Variants in RYR3 observed in about 807,000 individuals in gnomAD.
The protein encoded by RYR3 is brain ryanodine receptor-calcium release channel.
RYR3 carries 207 observed loss-of-function variants against 584.3 expected under a neutral mutation model. The observed-to-expected ratio is 0.35, with a 90% CI of 0.32 to 0.40. The LOEUF is 0.40. Among genes scored for constraint, RYR3 ranks in the 10% least tolerant of loss-of-function variants. RYR3 has a pLI of 1.00. For missense variants in RYR3, 5,616 were observed against 6,089.2 expected, an observed-to-expected ratio of 0.92 and a Z score of 2.59; for synonymous variants, 2,416 against 2,248.5, an observed-to-expected ratio of 1.07 and a Z score of -2.11.
chr15:33,366,244 T>C (rs1029681044), intron 1 of RYR3, among the ~76,000 whole-genome samples: 39 of 152,312 alleles, frequency 2.6e-4, no homozygotes, highest in African/African-American at 8.9e-4. Context: ...TTATTTACTA[T>C]TGATTGTCAT....
At chr15:33,356,530 A>C (rs981645585) in intron 1 of RYR3, among the ~76,000 whole-genome samples, 6 of 152,224 alleles carry the variant, frequency 3.9e-5, no homozygotes, top group Non-Finnish European at 8.8e-5. Flanking sequence ...GATCTAAGAA[A>C]TAATGATAAT....
intron 16 of RYR3, among the ~76,000 whole-genome samples, chr15:33,588,879 C>A (rs1297182891): frequency 6.6e-6 from 1 of 152,084 alleles, no homozygotes; most frequent in African/African-American, 2.4e-5. Context: ...TACGTTCGTT[C>A]CATGTCTTTG....
chr15:33,485,477 A>C (rs2050332611), intron 2 of RYR3, among the ~76,000 whole-genome samples: 1 of 152,144 alleles, frequency 6.6e-6, no homozygotes, highest in African/African-American at 2.4e-5. Context: ...CAGTGTGCAA[A>C]ATTGCCGATA....
intron 64 of RYR3, among the ~76,000 whole-genome samples, chr15:33,773,971 G>A (rs573741127): frequency 5.3e-5 from 8 of 152,342 alleles, no homozygotes; most frequent in African/African-American, 1.9e-4. Context: ...AGTGCGCTGA[G>A]AAGCTCAAGG....
At chr15:33,473,925 T>C (rs1031075387) in intron 2 of RYR3, among the ~76,000 whole-genome samples, 15 of 152,326 alleles carry the variant, frequency 9.8e-5, no homozygotes, top group African/African-American at 2.9e-4. Context: ...GACTCACAGA[T>C]GCCTGAGCCT....
intron 28 of RYR3, 158 bp from the exon 29 acceptor site, chr15:33,646,193 C>A: frequency 1.7e-6 from 1 of 604,654 alleles, no homozygotes; most frequent in Admixed American, 2.8e-5. Context: ...GGACAAGGCC[C>A]AAGTAATGAT....
chr15:33,338,587 TG>T (rs774586296), intron 1 of RYR3, among the ~76,000 whole-genome samples: 1 of 152,132 alleles, frequency 6.6e-6, no homozygotes, highest in Non-Finnish European at 1.5e-5. Context: ...GGAATTTCCT[TG>T]TGGGCAAAAT....
intron 3 of RYR3, among the ~76,000 whole-genome samples, chr15:33,522,567 A>T (rs1233643861): frequency 6.6e-6 from 1 of 152,222 alleles, no homozygotes; most frequent in African/African-American, 2.4e-5. Context: ...ATAGTGCTTT[A>T]TACTCCAAGG....
At chr15:33,498,844 G>T (rs1378871479) in intron 2 of RYR3, among the ~76,000 whole-genome samples, 1 of 151,976 alleles carries the variant, frequency 6.6e-6, no homozygotes, top group South Asian at 2.1e-4. Flanking sequence ...ATTTTGAGTT[G>T]ATTTTTGTAT....
rs544138794 is a variant in RYR3 at position 33,811,104 on chromosome 15, T to G, written c.10257+67T>G. On this transcript the variant is annotated intron_variant, in intron 72 of 103. Coordinates refer to ENST00000634891, the MANE Select transcript of RYR3 (RefSeq NM_001036.6). ...CTTCTGGCTGCAGGGTTCCAGCTTT[T>G]CACTTCATTTACTCATGCTTCTTAT... The G allele has an allele frequency of 3.9e-4, 518 of 1,320,188 alleles. 1 individual carries two copies. In the African/African-American group the frequency reaches 6.7e-3, roughly 17 times the overall value. 81.8% of individuals were successfully genotyped at this position (1,320,188 alleles called of 1,614,324 possible).
At chr15:33,388,536 C>T (rs962062080) in intron 1 of RYR3, among the ~76,000 whole-genome samples, 2 of 151,972 alleles carry the variant, frequency 1.3e-5, no homozygotes, top group Non-Finnish European at 2.9e-5. Flanking sequence ...TTTCCTAGAT[C>T]ATATAAGGAA....
chr15:33,757,732 A>C (rs2071990545), intron 60 of RYR3, 136 bp downstream of exon 60: 4 of 902,864 alleles, frequency 4.4e-6, no homozygotes, highest in Non-Finnish European at 6.7e-6. Context: ...TGAGTTTCGA[A>C]AGAAACTATA....
At position 33,816,898 on chromosome 15, in the gene RYR3, G is replaced by A. The variant is rs777944205; in HGVS notation, c.10539G>A (p.Gln3513=). ...RSINLFLHGY[Q]RFWIETEEYS... ...TTAACCTCTTCCTCCATGGCTATCA[G>A]AGATTTTGGATAGAAACAGAGGAGT... Residue 3513 remains glutamine (Q), a synonymous_variant, in exon 75 of 104, where the codon CAG becomes CAA. Transcript: ENST00000634891. 5.0e-6 allele frequency: 8 copies of A among 1,612,644 alleles called. No individual in the cohort carries two copies. Among genetic ancestry groups the A allele is most frequent in the Admixed American group, 1.7e-5 (1 of 59,926 alleles).
chr15:33,702,755 G>C (rs1265698744), intron 42 of RYR3, among the ~76,000 whole-genome samples: 1 of 152,070 alleles, frequency 6.6e-6, no homozygotes, highest in Admixed American at 6.6e-5. Flanking sequence ...AGCCAGGCCA[G>C]AGCCCTGAGG....
intron 72 of RYR3, 131 bp downstream of exon 72, chr15:33,811,168 T>C (rs2076517244): frequency 2.6e-6 from 2 of 771,766 alleles, no homozygotes; most frequent in East Asian, 2.7e-5. Context: ...TTGTGTTTAA[T>C]TGGTAGGACT....
intron 1 of RYR3, among the ~76,000 whole-genome samples, chr15:33,401,213 T>G (rs1161487290): frequency 6.6e-6 from 1 of 152,222 alleles, no homozygotes; most frequent in African/African-American, 2.4e-5. Context: ...GAAGGGCAAG[T>G]GAGCTAAGAC....
At chr15:33,700,753 G>A (rs749693295) in intron 41 of RYR3, among the ~76,000 whole-genome samples, 5 of 152,152 alleles carry the variant, frequency 3.3e-5, no homozygotes, top group Admixed American at 6.5e-5. Context: ...AGTGTGAACC[G>A]ATTTTGTATT....
chr15:33,526,456 G>T (rs981720154), intron 3 of RYR3, among the ~76,000 whole-genome samples: 7 of 152,128 alleles, frequency 4.6e-5, no homozygotes, highest in African/African-American at 1.7e-4. Context: ...CAGTCTTGAG[G>T]TCTGGACCTC....
In RYR3 at chr15:33,311,993, C is replaced by A. The variant is rs1231736417; in HGVS notation, c.51+897C>A. Among the ~76,000 whole-genome samples, 1 of 152,256 alleles carries A rather than the reference C, an allele frequency of 6.6e-6. No homozygotes were observed. The highest frequency in any genetic ancestry group is 1.5e-5 in the Non-Finnish European group (1 of 68,048). On this transcript the variant is annotated intron_variant, in intron 1 of 103. Transcript: ENST00000634891. The surrounding 1 kb of genome is among the most constrained non-coding windows in gnomAD (Gnocchi z 4.4). ...CCTAGCGCTGACTTCAGCCAAGTGA[C>A]CTTGAGCAAGTCGCATAATCCGCCC...
Sources: gnomAD v4.1 joint callset for allele counts (sites outside exome capture counted in the v4.1 genomes callset) on GRCh38, gnomAD v4.1.1 for gene constraint, Gnocchi (gnomAD v3.1) non-coding constraint, MANE v1.5 for transcripts, NCBI Gene and HGNC (gene_info 2026-07-23, HGNC 2026-07-21) for gene names.